Variants in SYT7 observed in about 807,000 individuals in gnomAD.
The protein encoded by SYT7 is synaptotagmin 7, also known as synaptotagmin-7.
A neutral mutation model predicts 75.1 loss-of-function variants in SYT7; 29 were observed. The observed-to-expected ratio is 0.39, with a 90% CI of 0.29 to 0.53. The LOEUF (loss-of-function observed/expected upper bound fraction) is 0.53, where lower values mean the gene tolerates loss of function less well. Among genes scored for constraint, SYT7 ranks in the 20% least tolerant of loss-of-function variants. The pLI is 0.77. For missense variants in SYT7, 693 were observed against 953.2 expected, an observed-to-expected ratio of 0.73 and a Z score of 3.59; for synonymous variants, 376 against 401.7, an observed-to-expected ratio of 0.94 and a Z score of 0.76.
At chr11:61,521,616 C>T (rs2062335736) in intron 12 of SYT7, among the ~76,000 whole-genome samples, 2 of 152,188 alleles carry the variant, frequency 1.3e-5, no homozygotes, top group Admixed American at 1.3e-4. Context: ...TTCCCTCACC[C>T]CAGCAGGTGA....
chr11:61,528,813 T>C (rs1276964849), intron 8 of SYT7, among the ~76,000 whole-genome samples: 1 of 151,988 alleles, frequency 6.6e-6, no homozygotes, highest in Non-Finnish European at 1.5e-5. Context: ...CCCCAAGCAG[T>C]TTGACGATGG....
intron 1 of SYT7, among the ~76,000 whole-genome samples, chr11:61,573,284 C>T (rs2063975635): frequency 6.6e-6 from 1 of 152,234 alleles, no homozygotes; most frequent in African/African-American, 2.4e-5. Flanking sequence ...ATATCCCTCA[C>T]TAGGGAGGCT....
At chr11:61,529,080 C>A (rs1037555639) in intron 8 of SYT7, among the ~76,000 whole-genome samples, 1 of 152,070 alleles carries the variant, frequency 6.6e-6, no homozygotes, top group African/African-American at 2.4e-5. Context: ...ACCCTACCCA[C>A]CCCCCAGCCG....
intron 5 of SYT7, among the ~76,000 whole-genome samples, chr11:61,545,715 C>G (rs1189015909): frequency 6.6e-6 from 1 of 152,118 alleles, no homozygotes; most frequent in Non-Finnish European, 1.5e-5. Context: ...GATGGGGGGG[C>G]CAATCAAAGA....
At chr11:61,547,021 G>A (rs903917761) in intron 4 of SYT7, among the ~76,000 whole-genome samples, 156 bp downstream of exon 4, 10 of 151,858 alleles carry the variant, frequency 6.6e-5, no homozygotes, top group African/African-American at 2.4e-4. Flanking sequence ...CTCCATGGTC[G>A]GCCTGCCCAT....
intron 8 of SYT7, among the ~76,000 whole-genome samples, chr11:61,529,094 G>A (rs937411020): frequency 6.6e-6 from 1 of 152,110 alleles, no homozygotes; most frequent in Non-Finnish European, 1.5e-5. Context: ...CCAGCCGCCT[G>A]AGCCCCAGAC....
chr11:61,575,123 A>G (rs570786394), intron 1 of SYT7, among the ~76,000 whole-genome samples: 4 of 151,978 alleles, frequency 2.6e-5, no homozygotes, highest in Non-Finnish European at 5.9e-5. Context: ...GTTCTCCCCA[A>G]TCTCTGATGC....
At chr11:61,575,987 G>A (rs2064063527) in intron 1 of SYT7, among the ~76,000 whole-genome samples, 2 of 152,140 alleles carry the variant, frequency 1.3e-5, no homozygotes, top group South Asian at 2.1e-4. Flanking sequence ...TCAGCTCCCG[G>A]TCCATTCTAT....
chr11:61,539,720 C>T (rs1029042948), intron 6 of SYT7: 9 of 152,144 alleles, frequency 5.9e-5, no homozygotes, highest in African/African-American at 2.2e-4. Flanking sequence ...GAGAAATAGC[C>T]TCTGAGGTGA....
chr11:61,547,642 T>A (rs922900809), intron 3 of SYT7, among the ~76,000 whole-genome samples: 2 of 138,248 alleles, frequency 1.4e-5, no homozygotes, highest in African/African-American at 5.6e-5. Context: ...GAGAAAATGA[T>A]GAGAGGAGGG....
chr11:61,580,809 G>A lies in SYT7; in HGVS notation c.12C>T (p.Asp4=). ...GCTTACCTGGGCTGGCCGCCTCCGGGTCCCGGTACATGGTCCCCTCGTCGC... is the reference window on the plus strand; with the variant it reads ...GCTTACCTGGGCTGGCCGCCTCCGGATCCCGGTACATGGTCCCCTCGTCGC... MYR[D]PEAASPGAPS... Residue 4 remains aspartate (D), a synonymous_variant, in exon 1 of 13, where the codon GAC becomes GAT. Coordinates refer to ENST00000539008, the MANE Select transcript of SYT7 (RefSeq NM_001365809.2). This position sits in a 1 kb window ranked among gnomAD's most constrained non-coding sequence, Gnocchi z 6.1. 1 of 1,286,436 alleles carries A rather than the reference G, an allele frequency of 7.8e-7. No homozygotes were observed. Among genetic ancestry groups the A allele is most frequent in the Non-Finnish European group, 9.9e-7 (1 of 1,014,308 alleles). 79.7% of individuals were successfully genotyped at this position (1,286,436 alleles called of 1,614,324 possible). A position where few individuals can be genotyped will look rare whatever the true frequency, so the allele number is the denominator to read the frequency against.
chr11:61,526,908 T>G (rs879799866), intron 9 of SYT7, among the ~76,000 whole-genome samples: 3 of 152,126 alleles, frequency 2.0e-5, no homozygotes, highest in Non-Finnish European at 4.4e-5. Flanking sequence ...GAAAGGTCCC[T>G]GGGGTACACG....
chr11:61,569,430 G>A (rs1024124731), intron 1 of SYT7, among the ~76,000 whole-genome samples: 1 of 152,120 alleles, frequency 6.6e-6, no homozygotes, highest in Non-Finnish European at 1.5e-5. Context: ...AAGTGGGAGA[G>A]AGCAAGGGGA....
At chr11:61,574,242 C>T (rs781322539) in intron 1 of SYT7, among the ~76,000 whole-genome samples, 3 of 152,198 alleles carry the variant, frequency 2.0e-5, no homozygotes, top group Non-Finnish European at 2.9e-5. Flanking sequence ...ACCTCATCTT[C>T]CAACCGCCTG....
chr11:61,551,036 G>C lies in SYT7; in HGVS notation c.215+348C>G, dbSNP rs1481250523. Reference sequence around the variant, plus strand: ...CTAGCAGCAGGGGCCCCATGAGAGGGGCTTGGAGGTCCAGGGAAGCCGGCG... The same window carrying C: ...CTAGCAGCAGGGGCCCCATGAGAGGCGCTTGGAGGTCCAGGGAAGCCGGCG... On this transcript the variant is annotated intron_variant, in intron 3 of 12. Transcript: ENST00000539008. The surrounding 1 kb of genome is among the most constrained non-coding windows in gnomAD (Gnocchi z 5.3). 6.6e-6 allele frequency among the ~76,000 whole-genome samples: 1 copy of C among 152,198 alleles called. No homozygotes were observed. The highest frequency in any genetic ancestry group is 1.5e-5 in the Non-Finnish European group (1 of 68,024).
chr11:61,569,971 C>T (rs11604913), intron 1 of SYT7, among the ~76,000 whole-genome samples: 3,997 of 152,334 alleles, frequency 0.026, 79 homozygotes, highest in Non-Finnish European at 0.037. Flanking sequence ...TCCACTCACC[C>T]GGGGCAGCCA....
intron 6 of SYT7, among the ~76,000 whole-genome samples, chr11:61,541,920 A>C (rs1156499067): frequency 2.6e-5 from 4 of 152,094 alleles, no homozygotes; most frequent in Non-Finnish European, 4.4e-5. Context: ...GGGAGAAGAG[A>C]TGTATCTCAG....
chr11:61,573,946 A>T (rs1430270179), intron 1 of SYT7, among the ~76,000 whole-genome samples: 1 of 152,242 alleles, frequency 6.6e-6, no homozygotes, highest in African/African-American at 2.4e-5. Context: ...GGTGGTTCTG[A>T]GGATGGAGGC....
chr11:61,574,908 T>A (rs1415101709), intron 1 of SYT7, among the ~76,000 whole-genome samples: 2 of 151,972 alleles, frequency 1.3e-5, no homozygotes, highest in Non-Finnish European at 2.9e-5. Flanking sequence ...TTGGACACAT[T>A]AGCTGCATGC....
Sources: allele counts gnomAD v4.1 joint callset (sites outside exome capture counted in the v4.1 genomes callset), GRCh38; gene constraint gnomAD v4.1.1; non-coding constraint Gnocchi (gnomAD v3.1); transcripts MANE v1.5; gene names NCBI Gene and HGNC (gene_info 2026-07-23, HGNC 2026-07-21).